PLPP5: variants seen among roughly 807,000 people sequenced by gnomAD.
The protein encoded by PLPP5 is phospholipid phosphatase 5, also known as diacylglycerol pyrophosphate like 1.
PLPP5 carries 29 observed loss-of-function variants against 23.6 expected under a neutral mutation model. The observed-to-expected ratio is 1.23, with a 90% CI of 0.92 to 1.68. The LOEUF (loss-of-function observed/expected upper bound fraction) is 1.68. Ranked by LOEUF, PLPP5 falls within the 40% of genes most tolerant of loss-of-function variation. PLPP5 has a pLI of 0.00. For synonymous variants in PLPP5, 143 were observed against 131.3 expected (o/e 1.09, Z -0.61); for missense variants, 315 against 332.1 (o/e 0.95, Z 0.40).
chr8:38,264,072 A>G lies in PLPP5; in HGVS notation c.*372T>C, dbSNP rs1468747603. ...CCTCACTTGCACCTTGGAAGGGGAA[A>G]AAAAGGCTAGAATTTCTTGTCTTGT... On this transcript the variant is annotated 3_prime_UTR_variant, in exon 7 of 7. Transcript: ENST00000424479. The G allele has an allele frequency of 2.0e-6, 2 of 990,298 alleles. No homozygotes were observed. Among genetic ancestry groups the G allele is most frequent in the African/African-American group, 1.7e-5 (1 of 57,370 alleles). 61.3% of individuals were successfully genotyped at this position (990,298 alleles called of 1,614,324 possible). A position where few individuals can be genotyped will look rare whatever the true frequency, so the allele number is the denominator to read the frequency against.
rs1807772609 is a variant in PLPP5, at chr8:38,267,291, T to C, written c.439A>G (p.Ser147Gly). The change falls in exon 5 of 7, where the codon AGC becomes GGC. Residue 147 changes from serine (S) to glycine (G), a missense_variant. Ser to Gly is a moderately conservative substitution (Grantham distance 56). Coordinates refer to ENST00000424479, the MANE Select transcript of PLPP5 (RefSeq NM_001102559.2). The stretch of plus-strand genomic sequence containing the variant: ...CAGGAAGAATGTCCACTGGGGAAGC[T>C]CTTTCGGCCCTCATTCACCACGTCC... ...DKDVVNEGRK[S>G]FPSGHSSFAF... 6.2e-7 allele frequency: 1 copy of C among 1,613,888 alleles called. No individual in the cohort carries two copies. Among genetic ancestry groups the C allele is most frequent in the Admixed American group, 1.7e-5 (1 of 60,010 alleles).
rs1364047387 is a variant in PLPP5 at position 38,266,053 on chromosome 8, A to G, written c.634+88T>C. ...ACTCATTAATTTGTTCATTCAGCAG[A>G]TATTTAGTAAGCATCTCCTCTGTGC... On this transcript the variant is annotated intron_variant, in intron 6 of 6. Transcript: ENST00000424479. 7 of 1,231,310 alleles carry G rather than the reference A, an allele frequency of 5.7e-6. No homozygotes were observed. The East Asian group carries it at 1.4e-4, about 25-fold the overall frequency. 76.3% of individuals were successfully genotyped at this position (1,231,310 alleles called of 1,614,324 possible).
chr8:38,263,404 G>C lies in PLPP5; in HGVS notation c.*1040C>G, dbSNP rs969952473. 1.5e-5 allele frequency: 15 copies of C among 985,308 alleles called. No homozygotes were observed. The highest frequency in any genetic ancestry group is 1.6e-5 in the Non-Finnish European group (13 of 829,934). The allele number at this position is 985,308 out of a possible 1,614,324, so 61.0% of individuals were successfully genotyped here. A position where few individuals can be genotyped will look rare whatever the true frequency, so the allele number is the denominator to read the frequency against. On this transcript the variant is annotated 3_prime_UTR_variant, in exon 7 of 7. Transcript: ENST00000424479. ...TTGGCAGTGTTGGTGCATTTGAGCA[G>C]ATCTTCAGTCATGAATGGAAGGAAA... is the stretch of plus-strand genomic sequence containing the variant.
chr8:38,264,709 G>A (rs1807313599), intron 6 of PLPP5, 105 bp from the exon 7 acceptor site: 1 of 1,432,390 alleles, frequency 7.0e-7, no homozygotes, highest in Non-Finnish European at 9.2e-7. Context: ...CTACTGTGGG[G>A]CTAAAATAAC....
In PLPP5 at chr8:38,269,214, C is replaced by A; in HGVS notation, c.-15G>T. On this transcript the variant is annotated 5_prime_UTR_variant, in exon 1 of 7. Transcript: ENST00000424479. ...GCCTTCCCCATCCGGCCGCGAGCTC[C>A]GAGCGACGCTGCGCTGACGTGGCCA... 2.7e-6 allele frequency: 4 copies of A among 1,494,758 alleles called. No homozygotes were observed. Among genetic ancestry groups the A allele is most frequent in the South Asian group, 1.3e-5 (1 of 79,814 alleles). 92.6% of individuals were successfully genotyped at this position (1,494,758 alleles called of 1,614,324 possible). A position where few individuals can be genotyped will look rare whatever the true frequency, so the allele number is the denominator to read the frequency against.
chr8:38,268,465 A>G lies in PLPP5; in HGVS notation c.184-4T>C, dbSNP rs751752471. The G allele has an allele frequency of 1.9e-6, 3 of 1,566,410 alleles. No homozygotes were observed. In the South Asian group the frequency reaches 3.5e-5, roughly 18 times the overall value. On this transcript the variant is annotated splice_polypyrimidine_tract_variant and splice_region_variant and intron_variant, in intron 2 of 6. Transcript: ENST00000424479. ...GTGGAGAGAGAAATGCAATAACCTGAATCAGAATGTCAGAGGTTAAAAACA... is the reference window on the plus strand; with the variant it reads ...GTGGAGAGAGAAATGCAATAACCTGGATCAGAATGTCAGAGGTTAAAAACA...
At chr8:38,264,906 C>T (rs1325381788) in intron 6 of PLPP5, 1 of 1,612,644 alleles carries the variant, frequency 6.2e-7, no homozygotes, top group South Asian at 1.1e-5. Context: ...AACAAAGGTC[C>T]ACTTATTGCT....
intron 6 of PLPP5, chr8:38,264,824 AC>A: frequency 7.7e-6 from 12 of 1,568,086 alleles, no homozygotes; most frequent in Non-Finnish European, 1.0e-5. Context: ...CCAAATCAAA[AC>A]ACATCTTAAG....
At chr8:38,266,540 C>G in intron 5 of PLPP5, 1 of 427,552 alleles carries the variant, frequency 2.3e-6, no homozygotes, top group Non-Finnish European at 4.2e-6. Flanking sequence ...AGCTGGGACT[C>G]CATGTGTGTG....
Position 38,263,480 on chromosome 8 carries a change from T to A in PLPP5, c.*964A>T. 1 of 985,352 alleles carries A rather than the reference T, an allele frequency of 1.0e-6. No individual in the cohort carries two copies. The highest frequency in any genetic ancestry group is 1.2e-6 in the Non-Finnish European group (1 of 829,818). 61.0% of individuals were successfully genotyped at this position (985,352 alleles called of 1,614,324 possible). ...AAATGAGGTAGAAACAGTCATCTGT[T>A]AGTAGTGCTGAAACCACACTCCTGA... On this transcript the variant is annotated 3_prime_UTR_variant, in exon 7 of 7. Coordinates refer to ENST00000424479, the MANE Select transcript of PLPP5 (RefSeq NM_001102559.2).
chr8:38,267,427 T>TAAC, intron 4 of PLPP5, 36 bp from the exon 5 acceptor site: 1 of 1,603,690 alleles, frequency 6.2e-7, no homozygotes, highest in African/African-American at 1.3e-5. Context: ...CGTAAATCAT[T>TAAC]AACTCCAGAA....
At chr8:38,264,687 C>T in intron 6 of PLPP5, 83 bp from the exon 7 acceptor site, 1 of 1,436,458 alleles carries the variant, frequency 7.0e-7, no homozygotes, top group African/African-American at 1.4e-5. Flanking sequence ...GGACCTGGCC[C>T]TCCAGGATAC....
chr8:38,264,574 G>A lies in PLPP5; in HGVS notation c.665C>T (p.Thr222Ile). The change falls in exon 7 of 7, where the codon ACA (threonine) becomes ATA (isoleucine). Residue 222 changes from threonine to isoleucine, a missense_variant. Physicochemically the swap from Thr to Ile is moderately conservative, Grantham distance 89. Transcript: ENST00000424479. ...CTGCCGATAGCAGACATAGGCAAAT[G>A]TCATTCCAATCATGGATCCAACTAG... is the stretch of plus-strand genomic sequence containing the variant. The part of the protein sequence containing the change: ...DVLVGSMIGM[T>I]FAYVCYRQYY... 1.3e-6 allele frequency: 2 copies of A among 1,592,382 alleles called. No individual in the cohort carries two copies.
Position 38,268,401 on chromosome 8 carries a change from C to T in PLPP5, c.244G>A (p.Asp82Asn), listed in dbSNP as rs1042123531. The T allele has an allele frequency of 1.9e-6, 3 of 1,574,038 alleles. No individual in the cohort carries two copies. The highest frequency in any genetic ancestry group is 2.6e-6 in the Non-Finnish European group (3 of 1,159,720). ...CAGGCTTGTCTGCTGTCTCTTGTGT[C>T]TGCCTTCTTGAGAAATTTGGCCAGG... ...IFLAKFLKKA[D>N]TRDSRQACLA... Residue 82 changes from aspartate (D) to asparagine (N), a missense_variant, in exon 3 of 7, where the codon GAC (aspartate) becomes AAC (asparagine). Physicochemically the swap from Asp to Asn is conservative, Grantham distance 23 (BLOSUM62 1). Coordinates refer to ENST00000424479, the MANE Select transcript of PLPP5 (RefSeq NM_001102559.2).
intron 3 of PLPP5, 45 bp downstream of exon 3, chr8:38,268,326 A>G (rs960820575): frequency 1.2e-5 from 18 of 1,499,780 alleles, no homozygotes; most frequent in Non-Finnish European, 1.5e-5. Flanking sequence ...ACGACCTCCT[A>G]GGTTCCCAGC....
chr8:38,269,166 C>T lies in PLPP5; in HGVS notation c.34G>A (p.Ala12Thr), dbSNP rs755144240. ...GKAAAAVAFG[A>T]EVGVRLALFA... Reference sequence around the variant, plus strand: ...AGCGCGAGCCGCACGCCCACTTCGGCCCCAAAGGCCACCGCCGCCGCCGCC... The same window carrying T: ...AGCGCGAGCCGCACGCCCACTTCGGTCCCAAAGGCCACCGCCGCCGCCGCC... Residue 12 changes from alanine to threonine, a missense_variant, in exon 1 of 7, where the codon GCC becomes ACC. Physicochemically the swap from Ala to Thr is moderately conservative, Grantham distance 58. Coordinates refer to ENST00000424479, the MANE Select transcript of PLPP5 (RefSeq NM_001102559.2). The T allele has an allele frequency of 4.4e-5, 67 of 1,509,732 alleles. No individual in the cohort carries two copies. The highest frequency in any genetic ancestry group is 6.2e-5 in the Admixed American group (3 of 48,514). The allele number at this position is 1,509,732 out of a possible 1,614,324, so 93.5% of individuals were successfully genotyped here.
At chr8:38,264,716 T>A in intron 6 of PLPP5, 112 bp from the exon 7 acceptor site, 2 of 1,436,366 alleles carry the variant, frequency 1.4e-6, no homozygotes, top group South Asian at 3.0e-5. Flanking sequence ...GGGGCTAAAA[T>A]AACCTCAATT....
chr8:38,267,426 T>TTAAC (rs1413029091), intron 4 of PLPP5, 35 bp from the exon 5 acceptor site: 8 of 1,603,636 alleles, frequency 5.0e-6, no homozygotes, highest in Non-Finnish European at 6.8e-6. Flanking sequence ...ACGTAAATCA[T>TTAAC]TAACTCCAGA....
At chr8:38,267,431 T>G in intron 4 of PLPP5, 40 bp from the exon 5 acceptor site, 1 of 1,600,854 alleles carries the variant, frequency 6.2e-7, no homozygotes, top group Non-Finnish European at 8.5e-7. Context: ...AATCATTAAC[T>G]CCAGAAATTA....
Sources: allele counts gnomAD v4.1 joint callset, GRCh38; gene constraint gnomAD v4.1.1; transcripts MANE v1.5; gene names NCBI Gene and HGNC (gene_info 2026-07-23, HGNC 2026-07-21).